PDCD6IP: variants seen among roughly 807,000 people sequenced by gnomAD.
PDCD6IP encodes the protein programmed cell death 6-interacting protein.
PDCD6IP carries 43 observed loss-of-function variants against 103.7 expected under a neutral mutation model. That is an observed-to-expected ratio of 0.41 (90% confidence interval 0.32 to 0.53). The LOEUF (loss-of-function observed/expected upper bound fraction) is 0.53, where lower values mean the gene tolerates loss of function less well. Among genes scored for constraint, PDCD6IP ranks in the 20% least tolerant of loss-of-function variants. The probability of loss-of-function intolerance (pLI) is 0.16; values close to 1 mark genes in which losing one functional copy is unlikely to be tolerated. For synonymous variants in PDCD6IP, 354 were observed against 378.7 expected (o/e 0.93, Z 0.76); for missense variants, 871 against 1,036.7 (o/e 0.84, Z 2.20).
chr3:33,800,159 T>C (rs558300836), intron 1 of PDCD6IP, among the ~76,000 whole-genome samples: 1 of 150,254 alleles, frequency 6.7e-6, no homozygotes, highest in Admixed American at 6.6e-5. Context: ...AGACTTATTC[T>C]GCTAACTGAA....
At chr3:33,805,581 G>A (rs1360564959) in intron 1 of PDCD6IP, among the ~76,000 whole-genome samples, 1 of 151,436 alleles carries the variant, frequency 6.6e-6, no homozygotes, top group Non-Finnish European at 1.5e-5. Flanking sequence ...TACCATACCT[G>A]GCTAATTATT....
At chr3:33,835,578 T>A (rs1466471102) in intron 7 of PDCD6IP, among the ~76,000 whole-genome samples, 4 of 152,018 alleles carry the variant, frequency 2.6e-5, no homozygotes, top group Admixed American at 6.5e-5. Flanking sequence ...ATTAGCTTGG[T>A]GTGGGGGTGC....
rs528942053 is a variant in PDCD6IP at position 33,861,563 on chromosome 3, T to TA, written c.2121-2442dup. 2.2e-4 allele frequency among the ~76,000 whole-genome samples: 33 copies of TA among 152,362 alleles called. 1 individual carries two copies. In the East Asian group the frequency reaches 6.4e-3, roughly 29 times the overall value. ...GTACATGCTTTTGGTGAGCATGTTA[T>TA]ATGCAGTGCTGTTGGGTATATATCG... On this transcript the variant is annotated intron_variant, in intron 15 of 17. Transcript: ENST00000307296.
chr3:33,839,099 G>A (rs1697414198), intron 9 of PDCD6IP, among the ~76,000 whole-genome samples: 1 of 152,142 alleles, frequency 6.6e-6, no homozygotes, highest in African/African-American at 2.4e-5. Context: ...GAGCCACCAT[G>A]CTTGGTCATT....
rs752186220 is a variant in PDCD6IP, at chr3:33,838,159, G to A, written c.1058-45G>A. On this transcript the variant is annotated intron_variant, in intron 8 of 17. Transcript: ENST00000307296. The stretch of plus-strand genomic sequence containing the variant: ...ATAAACAGTCACTTTTACAGTTCGG[G>A]TTTTTGTCTAAAAATTTTGTTGTAA... The A allele has an allele frequency of 3.8e-6, 6 of 1,583,672 alleles. No individual in the cohort carries two copies. In the Admixed American group the frequency reaches 6.7e-5, roughly 18 times the overall value.
intron 10 of PDCD6IP, 132 bp downstream of exon 10, chr3:33,842,206 G>A (rs1697492516): frequency 1.8e-6 from 1 of 556,320 alleles, no homozygotes; most frequent in East Asian, 2.9e-5. Flanking sequence ...AATTTACTGT[G>A]GCCCAGAGCC....
chr3:33,853,016 C>T (rs547417118), intron 13 of PDCD6IP, among the ~76,000 whole-genome samples: 20 of 151,538 alleles, frequency 1.3e-4, no homozygotes, highest in African/African-American at 2.7e-4. Flanking sequence ...CTCCGCCTCC[C>T]GGGTTCACGC....
In PDCD6IP at chr3:33,866,502, C is replaced by T; in HGVS notation, c.2584C>T (p.Gln862Ter). Residue 862 changes from glutamine (Q) to a stop codon, truncating the protein, a stop_gained, in exon 18 of 18, where the codon CAG (glutamine) becomes TAG (stop). Transcript: ENST00000307296. LOFTEE classifies it high-confidence loss of function. ...ATACCCCTTCCCTCAGCCCCCACAG[C>T]AGTCTTACTATCCACAGCAGTAATA... The part of the protein sequence containing the change: ...PSYPFPQPPQ[Q>*]SYYPQQ The T allele has an allele frequency of 6.2e-7, 1 of 1,609,114 alleles. No homozygotes were observed. The highest frequency in any genetic ancestry group is 8.5e-7 in the Non-Finnish European group (1 of 1,178,406).
chr3:33,805,261 C>T (rs1384338980), intron 1 of PDCD6IP, among the ~76,000 whole-genome samples: 1 of 150,518 alleles, frequency 6.6e-6, no homozygotes, highest in East Asian at 2.0e-4. Flanking sequence ...GAGGCTGAGG[C>T]AGAGAATTGC....
chr3:33,865,158 C>A, intron 16 of PDCD6IP, 85 bp from the exon 17 acceptor site: 1 of 889,480 alleles, frequency 1.1e-6, no homozygotes, highest in Non-Finnish European at 1.6e-6. Context: ...TCTAGAGTTT[C>A]TCATATGTCC....
At chr3:33,837,124 T>A (rs928247071) in intron 8 of PDCD6IP, among the ~76,000 whole-genome samples, 1 of 152,080 alleles carries the variant, frequency 6.6e-6, no homozygotes, top group Non-Finnish European at 1.5e-5. Context: ...TTCTCCGTGT[T>A]GGTCAGGCTG....
chr3:33,804,599 C>T (rs1482389196), intron 1 of PDCD6IP, among the ~76,000 whole-genome samples: 1 of 152,112 alleles, frequency 6.6e-6, no homozygotes, highest in Non-Finnish European at 1.5e-5. Context: ...ATTTGTTTTT[C>T]TGTGTTTTGA....
chr3:33,853,893 A>G lies in PDCD6IP; in HGVS notation c.1905A>G (p.Glu635=), dbSNP rs765581700. 2 of 1,533,330 alleles carry G rather than the reference A, an allele frequency of 1.3e-6. No individual in the cohort carries two copies. Among genetic ancestry groups the G allele is most frequent in the Admixed American group, 2.2e-5 (1 of 44,766 alleles). 95.0% of individuals were successfully genotyped at this position (1,533,330 alleles called of 1,614,324 possible). ...CTTTTAACAAGGTCTCACATCAGGAATTTTCAAAAATGAAACAATCTAATA... is the reference window on the plus strand; with the variant it reads ...CTTTTAACAAGGTCTCACATCAGGAGTTTTCAAAAATGAAACAATCTAATA... The part of the protein sequence containing the change: ...LLKNIQVSHQ[E]FSKMKQSNNE... The change falls in exon 14 of 18, where the codon GAA becomes GAG. Residue 635 remains glutamate, a synonymous_variant. Transcript: ENST00000307296.
chr3:33,841,113 C>T (rs184715309), intron 9 of PDCD6IP, among the ~76,000 whole-genome samples: 33 of 150,288 alleles, frequency 2.2e-4, no homozygotes, highest in Admixed American at 1.0e-3. Flanking sequence ...CTGCAACCTT[C>T]GCCTCCCGGC....
rs746439916 is a variant in PDCD6IP at position 33,813,551 on chromosome 3, C to G, written c.265-8C>G. On this transcript the variant is annotated splice_polypyrimidine_tract_variant and splice_region_variant and intron_variant, in intron 2 of 17. Transcript: ENST00000307296. ...ACCTAATTTTCTGTTTTCTTTCATT[C>G]TATCCAGATCTGCTTGACATTTACC... 5 of 1,574,918 alleles carry G rather than the reference C, an allele frequency of 3.2e-6. No individual in the cohort carries two copies. Among genetic ancestry groups the G allele is most frequent in the East Asian group, 4.5e-5 (2 of 44,406 alleles).
chr3:33,798,690 G>T lies in PDCD6IP; in HGVS notation c.-39G>T. 6.7e-7 allele frequency: 1 copy of T among 1,497,338 alleles called. No homozygotes were observed. The highest frequency in any genetic ancestry group is 1.3e-5 in the South Asian group (1 of 77,778). The allele number at this position is 1,497,338 out of a possible 1,614,324, so 92.8% of individuals were successfully genotyped here. A position where few individuals can be genotyped will look rare whatever the true frequency, so the allele number is the denominator to read the frequency against. ...TCTCCTCGGCCCTCGTAAGCTGTCCGCGGTCTGTTTGGCCCGAACGGCGGC... is the reference window on the plus strand; with the variant it reads ...TCTCCTCGGCCCTCGTAAGCTGTCCTCGGTCTGTTTGGCCCGAACGGCGGC... On this transcript the variant is annotated 5_prime_UTR_variant, in exon 1 of 18. Coordinates refer to ENST00000307296, the MANE Select transcript of PDCD6IP (RefSeq NM_013374.6).
At chr3:33,849,265 G>A (rs1697663356) in intron 12 of PDCD6IP, among the ~76,000 whole-genome samples, 1 of 151,278 alleles carries the variant, frequency 6.6e-6, no homozygotes, top group Non-Finnish European at 1.5e-5. Context: ...CCAAGCTTGT[G>A]CCTGCCACAG....
At chr3:33,798,959 G>A (rs545929480) in intron 1 of PDCD6IP, 22 bp downstream of exon 1, 40 of 1,504,856 alleles carry the variant, frequency 2.7e-5, no homozygotes, top group Middle Eastern at 2.4e-4. Flanking sequence ...GCTGGGAGTG[G>A]GTAGGTTGTC....
intron 1 of PDCD6IP, among the ~76,000 whole-genome samples, chr3:33,806,592 A>G (rs2125542847): frequency 6.6e-6 from 1 of 152,366 alleles, no homozygotes. Flanking sequence ...GGCTTAGCAT[A>G]CTGGCTTTCC....
Sources: gnomAD v4.1 joint callset for allele counts (sites outside exome capture counted in the v4.1 genomes callset) on GRCh38, gnomAD v4.1.1 for gene constraint, MANE v1.5 for transcripts, NCBI Gene and HGNC (gene_info 2026-07-23, HGNC 2026-07-21) for gene names.